MARCHF1: variants seen among roughly 807,000 people sequenced by gnomAD.
MARCHF1 encodes membrane associated ring-CH-type finger 1.
In MARCHF1, 40 loss-of-function variants were observed where a neutral mutation model predicts 54.2. That is an observed-to-expected ratio of 0.74 (90% CI 0.57 to 0.96). MARCHF1 has a LOEUF of 0.96. Among genes scored for constraint, MARCHF1 ranks in the 40% least tolerant of loss-of-function variants. The probability of loss-of-function intolerance (pLI) is 0.00; values close to 1 mark genes in which losing one functional copy is unlikely to be tolerated. For missense variants in MARCHF1, 586 were observed against 656.5 expected, an observed-to-expected ratio of 0.89 and a Z score of 1.17; for synonymous variants, 236 against 236.3, an observed-to-expected ratio of 1.00 and a Z score of 0.01.
chr4:163,911,960 A>G (rs1270611750), intron 3 of MARCHF1, among the ~76,000 whole-genome samples: 1 of 152,200 alleles, frequency 6.6e-6, no homozygotes, highest in East Asian at 1.9e-4. Context: ...GCGCTAGTAC[A>G]TAAATAGAAC....
intron 1 of MARCHF1, among the ~76,000 whole-genome samples, chr4:164,264,918 C>T (rs543463318): frequency 4.7e-4 from 63 of 135,012 alleles, no homozygotes; most frequent in African/African-American, 1.8e-3. Flanking sequence ...AAGACTCTGT[C>T]GAAAAAAAAA....
intron 2 of MARCHF1, among the ~76,000 whole-genome samples, chr4:164,067,973 C>T (rs1016651139): frequency 6.6e-6 from 1 of 152,138 alleles, no homozygotes; most frequent in Non-Finnish European, 1.5e-5. Flanking sequence ...TGAAAAAATG[C>T]TTATTATCAC....
chr4:163,814,358 C>T (rs929388174), intron 4 of MARCHF1, among the ~76,000 whole-genome samples: 3 of 152,096 alleles, frequency 2.0e-5, no homozygotes, highest in African/African-American at 4.8e-5. Context: ...CTTCATTGCC[C>T]CCATGACCTG....
intron 1 of MARCHF1, among the ~76,000 whole-genome samples, chr4:164,206,335 G>A (rs1442763567): frequency 6.6e-6 from 1 of 152,100 alleles, no homozygotes; most frequent in Admixed American, 6.6e-5. Context: ...TACTCGGGAG[G>A]CTGAGGCAGG....
intron 3 of MARCHF1, among the ~76,000 whole-genome samples, chr4:163,958,619 T>G (rs1200735806): frequency 6.6e-6 from 1 of 151,980 alleles, no homozygotes; most frequent in Non-Finnish European, 1.5e-5. Context: ...AAGAGTAAGA[T>G]TTAGTGAATT....
intron 1 of MARCHF1, among the ~76,000 whole-genome samples, chr4:164,179,610 C>A (rs972070401): frequency 7.2e-5 from 11 of 152,150 alleles, no homozygotes; most frequent in African/African-American, 2.7e-4. Flanking sequence ...AATACATACA[C>A]ACACATACAT....
chr4:163,792,662 CAT>C (rs1747802958), intron 4 of MARCHF1, among the ~76,000 whole-genome samples: 1 of 152,166 alleles, frequency 6.6e-6, no homozygotes, highest in African/African-American at 2.4e-5. Context: ...AAGAGTAAAA[CAT>C]AATCAGTCAA....
intron 1 of MARCHF1, among the ~76,000 whole-genome samples, chr4:164,254,952 C>T (rs1733236469): frequency 1.3e-5 from 2 of 152,158 alleles, no homozygotes; most frequent in African/African-American, 4.8e-5. Flanking sequence ...ACAGTATTAA[C>T]CATCACAATC....
chr4:163,768,505 T>C (rs1747057698), intron 4 of MARCHF1, among the ~76,000 whole-genome samples: 1 of 152,238 alleles, frequency 6.6e-6, no homozygotes, highest in Non-Finnish European at 1.5e-5. Flanking sequence ...AAAAAAGTTC[T>C]GTCAAACATG....
At chr4:163,858,580 G>A (rs1167929487) in intron 3 of MARCHF1, among the ~76,000 whole-genome samples, 1 of 152,118 alleles carries the variant, frequency 6.6e-6, no homozygotes, top group Non-Finnish European at 1.5e-5. Flanking sequence ...TTTAGCTAAT[G>A]TGTCATTAAG....
chr4:163,588,547 A>C (rs1218665562), intron 7 of MARCHF1, among the ~76,000 whole-genome samples: 2 of 152,226 alleles, frequency 1.3e-5, no homozygotes, highest in East Asian at 3.8e-4. Context: ...AGACAATAAG[A>C]GTTTGATATT....
rs535828063 is a variant in MARCHF1, at chr4:163,910,415, A to G, written c.-38-56246T>C. 3.3e-5 allele frequency among the ~76,000 whole-genome samples: 5 copies of G among 152,288 alleles called. No individual in the cohort carries two copies. In the East Asian group the frequency reaches 9.6e-4, roughly 29 times the overall value. On this transcript the variant is annotated intron_variant, in intron 3 of 9. Transcript: ENST00000514618. Reference sequence around the variant, plus strand: ...TTCTCAAAGCTATGTTCTCTTCTCTATGCACTGTGACCTATTGCTATAATA... The same window carrying G: ...TTCTCAAAGCTATGTTCTCTTCTCTGTGCACTGTGACCTATTGCTATAATA...
At chr4:164,080,921 T>C (rs190681455) in intron 2 of MARCHF1, among the ~76,000 whole-genome samples, 2 of 151,870 alleles carry the variant, frequency 1.3e-5, no homozygotes, top group East Asian at 1.9e-4. Flanking sequence ...TTAAGAAATA[T>C]TATTTGGCCG....
intron 5 of MARCHF1, among the ~76,000 whole-genome samples, chr4:163,642,003 A>G (rs774828635): frequency 1.3e-5 from 2 of 152,086 alleles, no homozygotes; most frequent in Non-Finnish European, 2.9e-5. Context: ...ACAAACCTCC[A>G]TCTCCACTCC....
chr4:163,700,515 TAGAA>T (rs1355656461), intron 5 of MARCHF1, among the ~76,000 whole-genome samples: 97 of 88,572 alleles, frequency 1.1e-3, no homozygotes, highest in Middle Eastern at 6.0e-3. Context: ...AAAAGATAGA[TAGAA>T]AGAAAGAAAG....
At chr4:164,166,734 T>C (rs1730390556) in intron 1 of MARCHF1, among the ~76,000 whole-genome samples, 1 of 151,854 alleles carries the variant, frequency 6.6e-6, no homozygotes. Context: ...GACATGATCC[T>C]ATATGTAGAA....
intron 2 of MARCHF1, 49 bp downstream of exon 2, chr4:164,111,539 G>A (rs1311564732): frequency 6.6e-6 from 1 of 151,608 alleles, no homozygotes; most frequent in African/African-American, 2.4e-5. Flanking sequence ...TTTCTGCCAT[G>A]GAAAGTCTTC....
At chr4:164,195,278 A>T (rs2163394) in intron 1 of MARCHF1, among the ~76,000 whole-genome samples, 23,343 of 152,118 alleles carry the variant, frequency 0.15, 2,485 homozygotes, top group African/African-American at 0.28. Context: ...ATAAACAAAA[A>T]GAAAATATTT....
chr4:163,529,724 A>G (rs1483537511), intron 9 of MARCHF1: 1 of 152,120 alleles, frequency 6.6e-6, no homozygotes, highest in Non-Finnish European at 1.5e-5. Flanking sequence ...TTCCATCACC[A>G]TTACTAGAAA....
Sources: allele counts gnomAD v4.1 joint callset (sites outside exome capture counted in the v4.1 genomes callset), GRCh38; gene constraint gnomAD v4.1.1; transcripts MANE v1.5; gene names NCBI Gene and HGNC (gene_info 2026-07-23, HGNC 2026-07-21).